SHISA5: variants seen among roughly 807,000 people sequenced by gnomAD.
The protein encoded by SHISA5 is protein shisa-5.
A neutral mutation model predicts 27.5 loss-of-function variants in SHISA5; 21 were observed. The ratio of observed to expected loss-of-function variants is 0.76; its 90% CI spans 0.54 to 1.10. The LOEUF is 1.10. Ranked by LOEUF, SHISA5 falls within the 50% of genes least tolerant of loss-of-function variation. The probability of loss-of-function intolerance (pLI) is 0.00; values close to 1 mark genes in which losing one functional copy is unlikely to be tolerated. For synonymous variants in SHISA5, 137 were observed against 142.2 expected (o/e 0.96, Z 0.26); for missense variants, 314 against 336.3 (o/e 0.93, Z 0.52).
At chr3:48,482,665 G>A (rs190908389) in intron 2 of SHISA5, among the ~76,000 whole-genome samples, 7 of 150,904 alleles carry the variant, frequency 4.6e-5, no homozygotes, top group Admixed American at 3.3e-4. Flanking sequence ...ACAGAGTCTC[G>A]TCTCTTGTCG....
At chr3:48,482,664 C>T (rs577251848) in intron 2 of SHISA5, among the ~76,000 whole-genome samples, 8 of 151,582 alleles carry the variant, frequency 5.3e-5, no homozygotes, top group African/African-American at 1.9e-4. Flanking sequence ...GACAGAGTCT[C>T]GTCTCTTGTC....
intron 1 of SHISA5, among the ~76,000 whole-genome samples, chr3:48,502,886 C>T (rs944443540): frequency 1.3e-5 from 2 of 152,214 alleles, no homozygotes; most frequent in African/African-American, 4.8e-5. Flanking sequence ...GGTGCCCGGG[C>T]CTGATCAGGA....
Position 48,473,579 on chromosome 3 carries a change from A to C in SHISA5, c.315-3736T>G. The C allele has an allele frequency of 8.0e-7, 1 of 1,253,374 alleles. No individual in the cohort carries two copies. The highest frequency in any genetic ancestry group is 1.0e-6 in the Non-Finnish European group (1 of 968,358). 77.6% of individuals were successfully genotyped at this position (1,253,374 alleles called of 1,614,324 possible). A position where few individuals can be genotyped will look rare whatever the true frequency, so the allele number is the denominator to read the frequency against. ...TCCTCTCCCACCAGCACTCTCTCCA[A>C]TCTGTCTCCCCATGTTCTCCCGGCC... On this transcript the variant is annotated intron_variant, in intron 3 of 5. Transcript: ENST00000296444. The surrounding 1 kb of genome is among the most constrained non-coding windows in gnomAD (Gnocchi z 4.3).
intron 3 of SHISA5, chr3:48,472,910 C>T (rs968733659): frequency 2.5e-6 from 3 of 1,190,006 alleles, no homozygotes; most frequent in Middle Eastern, 1.9e-4. Flanking sequence ...CACATTCACA[C>T]GCCATCAATG....
At chr3:48,490,972 T>G (rs2041403173) in intron 2 of SHISA5, among the ~76,000 whole-genome samples, 1 of 152,152 alleles carries the variant, frequency 6.6e-6, no homozygotes. Context: ...ATCTGAACAT[T>G]CCTTTTCTAT....
chr3:48,497,638 G>C (rs1416380003), intron 2 of SHISA5, among the ~76,000 whole-genome samples: 1 of 152,074 alleles, frequency 6.6e-6, no homozygotes. Context: ...TGTAATCTCA[G>C]CACTTTGGGA....
chr3:48,502,308 T>C (rs1162167109), intron 1 of SHISA5: 1 of 448,204 alleles, frequency 2.2e-6, no homozygotes, highest in African/African-American at 2.0e-5. Flanking sequence ...TGGTCAGAAA[T>C]TGTCACACCC....
chr3:48,468,932 T>C lies in SHISA5; in HGVS notation c.*175A>G. 6.4e-7 allele frequency: 1 copy of C among 1,552,332 alleles called. No homozygotes were observed. The highest frequency in any genetic ancestry group is 1.2e-5 in the South Asian group (1 of 85,800). Reference sequence around the variant, plus strand: ...ACTCTGGCAAGGATTGTTCCCCACCTTGTCAGCATCAGAGGAAGCCACATA... The same window carrying C: ...ACTCTGGCAAGGATTGTTCCCCACCCTGTCAGCATCAGAGGAAGCCACATA... On this transcript the variant is annotated 3_prime_UTR_variant, in exon 6 of 6. Transcript: ENST00000296444.
At chr3:48,501,378 A>G in intron 1 of SHISA5, 85 bp from the exon 2 acceptor site, 4 of 1,432,458 alleles carry the variant, frequency 2.8e-6, no homozygotes, top group Non-Finnish European at 3.9e-6. Context: ...CAGCCACCAG[A>G]CCACACACAC....
chr3:48,494,404 T>C lies in SHISA5; in HGVS notation c.233+6733A>G, dbSNP rs1245805463. Among the ~76,000 whole-genome samples the C allele has an allele frequency of 8.2e-5, 12 of 145,556 alleles. No individual in the cohort carries two copies. In the South Asian group the frequency reaches 2.6e-3, roughly 31 times the overall value. ...CCTCCGCCTCCCGAGTTCAAGGGAT[T>C]CTCCTGCCTCAGCCTCCAGAGTAGC... On this transcript the variant is annotated intron_variant, in intron 2 of 5. Coordinates refer to ENST00000296444, the MANE Select transcript of SHISA5 (RefSeq NM_016479.6).
Position 48,473,434 on chromosome 3 carries a change from C to A in SHISA5, c.315-3591G>T, listed in dbSNP as rs1247793440. ...CCACCCCCACTTCCACCTAACCCACCGGCCCTGTTCCACCAGCCTCCAGGA... is the reference window on the plus strand; with the variant it reads ...CCACCCCCACTTCCACCTAACCCACAGGCCCTGTTCCACCAGCCTCCAGGA... On this transcript the variant is annotated intron_variant, in intron 3 of 5. Transcript: ENST00000296444. This position sits in a 1 kb window ranked among gnomAD's most constrained non-coding sequence, Gnocchi z 4.3. The A allele has an allele frequency of 7.7e-7, 1 of 1,300,160 alleles. No homozygotes were observed. The highest frequency in any genetic ancestry group is 2.3e-5 in the Admixed American group (1 of 43,874). The allele number at this position is 1,300,160 out of a possible 1,614,324, so 80.5% of individuals were successfully genotyped here.
intron 1 of SHISA5, 115 bp downstream of exon 1, chr3:48,503,903 CA>C: frequency 7.5e-7 from 1 of 1,330,050 alleles, no homozygotes; most frequent in South Asian, 1.8e-5. Context: ...TCGGGGCAAT[CA>C]GGGGTCAGTG....
intron 2 of SHISA5, among the ~76,000 whole-genome samples, chr3:48,486,457 ATATT>A (rs2041244975): frequency 2.8e-5 from 3 of 105,696 alleles, no homozygotes; most frequent in African/African-American, 1.2e-4. Flanking sequence ...TATATATTAT[ATATT>A]TATAATTATA....
At chr3:48,490,617 A>G (rs544747853) in intron 2 of SHISA5, among the ~76,000 whole-genome samples, 3 of 152,204 alleles carry the variant, frequency 2.0e-5, no homozygotes, top group Non-Finnish European at 4.4e-5. Context: ...TACAAATCAT[A>G]AATTCTCATC....
At position 48,504,015 on chromosome 3, in the gene SHISA5, T is replaced by C; in HGVS notation, c.76+4A>G. On this transcript the variant is annotated splice_donor_region_variant and intron_variant, in intron 1 of 5. Transcript: ENST00000296444. The surrounding 1 kb of genome is among the most constrained non-coding windows in gnomAD (Gnocchi z 4.0). ...AGGACGGGCCGCCCCCACCCCCGGC[T>C]CACCACCCGGAGGCGGCGTTAGCAG... 6.8e-7 allele frequency: 1 copy of C among 1,467,414 alleles called. No individual in the cohort carries two copies. Among genetic ancestry groups the C allele is most frequent in the Non-Finnish European group, 9.0e-7 (1 of 1,107,050 alleles). 90.9% of individuals were successfully genotyped at this position (1,467,414 alleles called of 1,614,324 possible). A position where few individuals can be genotyped will look rare whatever the true frequency, so the allele number is the denominator to read the frequency against.
In SHISA5 at chr3:48,468,693, T is replaced by C. The variant is rs1371669657; in HGVS notation, c.*414A>G. ...CTGCCGAAACCAGGACACATCTGCA[T>C]CACACAGAAAGCTGCGCCACCCTGG... On this transcript the variant is annotated 3_prime_UTR_variant, in exon 6 of 6. Coordinates refer to ENST00000296444, the MANE Select transcript of SHISA5 (RefSeq NM_016479.6). 1.6e-6 allele frequency: 2 copies of C among 1,258,318 alleles called. No homozygotes were observed. The highest frequency in any genetic ancestry group is 2.0e-6 in the Non-Finnish European group (2 of 977,704). 77.9% of individuals were successfully genotyped at this position (1,258,318 alleles called of 1,614,324 possible).
chr3:48,484,331 C>A (rs1336811653), intron 2 of SHISA5, among the ~76,000 whole-genome samples: 3 of 152,328 alleles, frequency 2.0e-5, no homozygotes, highest in African/African-American at 7.2e-5. Flanking sequence ...TGCGGTGGCT[C>A]ATGCCTGTAA....
rs1210364923 is a variant in SHISA5, at chr3:48,469,969, C to T, written c.315-126G>A. 8 of 1,281,320 alleles carry T rather than the reference C, an allele frequency of 6.2e-6. No individual in the cohort carries two copies. Among genetic ancestry groups the T allele is most frequent in the East Asian group, 2.5e-5 (1 of 39,364 alleles). The allele number at this position is 1,281,320 out of a possible 1,614,324, so 79.4% of individuals were successfully genotyped here. On this transcript the variant is annotated intron_variant, in intron 3 of 5. Coordinates refer to ENST00000296444, the MANE Select transcript of SHISA5 (RefSeq NM_016479.6). This position sits in a 1 kb window ranked among gnomAD's most constrained non-coding sequence, Gnocchi z 4.6. ...AATACAGTTATAGCTACTTCCTTGTCGGGTGGCCTGCACCTGTTTCAATCT... is the reference window on the plus strand; with the variant it reads ...AATACAGTTATAGCTACTTCCTTGTTGGGTGGCCTGCACCTGTTTCAATCT...
upstream of SHISA5, chr3:48,504,242 A>AGGAGGAGGGAGGAGGAG (rs1171889241): frequency 5.1e-4 from 179 of 349,780 alleles, no homozygotes; most frequent in Middle Eastern, 1.5e-3. The surrounding 1 kb of genome is among the most constrained non-coding windows in gnomAD (Gnocchi z 4.0). Flanking sequence ...GAGCAGGAGG[A>AGGAGGAGGGAGGAGGAG]GGAGGAGGGA....
Sources: gnomAD v4.1 joint callset for allele counts (sites outside exome capture counted in the v4.1 genomes callset) on GRCh38, gnomAD v4.1.1 for gene constraint, Gnocchi (gnomAD v3.1) non-coding constraint, MANE v1.5 for transcripts, NCBI Gene and HGNC (gene_info 2026-07-23, HGNC 2026-07-21) for gene names.